Variants in DMD observed in about 807,000 individuals in gnomAD.
DMD encodes dystrophin.
DMD carries 63 observed loss-of-function variants against 330.1 expected under a neutral mutation model. The observed-to-expected ratio is 0.19, with a 90% CI of 0.16 to 0.24. The LOEUF (loss-of-function observed/expected upper bound fraction) is 0.24. Among genes scored for constraint, DMD ranks in the 10% least tolerant of loss-of-function variants. The pLI, the probability that DMD is intolerant of heterozygous loss-of-function variation, is 1.00. For synonymous variants in DMD, 1,223 were observed against 959.8 expected, an observed-to-expected ratio of 1.27 and a Z score of -5.07; for missense variants, 3,344 against 2,684.1, an observed-to-expected ratio of 1.25 and a Z score of -5.43.
intron 44 of DMD, among the ~76,000 whole-genome samples, chrX:31,988,085 C>G (rs2095521869): frequency 9.0e-6 from 1 of 111,494 alleles, no homozygotes; most frequent in African/African-American, 3.3e-5. Context: ...AGTTTTGACT[C>G]CTGAAATGTT....
intron 62 of DMD, among the ~76,000 whole-genome samples, chrX:31,322,933 C>G (rs963745478): frequency 9.0e-6 from 1 of 111,456 alleles, no homozygotes; most frequent in East Asian, 2.8e-4. Flanking sequence ...GTGAAGGTAT[C>G]GTAATCACTC....
At chrX:33,241,101 T>C (rs2052579627) in intron 1 of DMD, among the ~76,000 whole-genome samples, 1 of 111,727 alleles carries the variant, frequency 9.0e-6, no homozygotes, top group African/African-American at 3.3e-5. Context: ...TTGTTTCCTG[T>C]GCTTTTGAGG....
intron 54 of DMD, among the ~76,000 whole-genome samples, chrX:31,644,526 A>G (rs1472175993): frequency 8.9e-6 from 1 of 111,902 alleles, no homozygotes; most frequent in Non-Finnish European, 1.9e-5. Flanking sequence ...ACTCAGACCT[A>G]TAGAATGTCA....
chrX:31,682,278 T>C (rs746591777), intron 52 of DMD, among the ~76,000 whole-genome samples: 5 of 111,464 alleles, frequency 4.5e-5, no homozygotes, highest in Admixed American at 1.9e-4. Flanking sequence ...TTGCTATGTA[T>C]TGCAAAACTA....
intron 9 of DMD, among the ~76,000 whole-genome samples, chrX:32,655,547 T>A (rs1481627106): frequency 8.9e-6 from 1 of 111,959 alleles, no homozygotes; most frequent in African/African-American, 3.3e-5. Flanking sequence ...TGAGGGGTGC[T>A]TTAACTTCCA....
At chrX:32,195,417 G>A (rs181807973) in intron 44 of DMD, among the ~76,000 whole-genome samples, 17 of 111,502 alleles carry the variant, frequency 1.5e-4, no homozygotes, top group Admixed American at 6.7e-4. Flanking sequence ...GGAGGAGAGC[G>A]AAACCAGAAA....
chrX:31,818,249 AAT>A (rs2092680094), intron 50 of DMD, among the ~76,000 whole-genome samples: 1 of 112,056 alleles, frequency 8.9e-6, no homozygotes, highest in South Asian at 3.7e-4. Context: ...TTTCAATTAC[AAT>A]ATATGTTTTA....
chrX:31,456,658 G>T (rs1163506901), intron 59 of DMD, among the ~76,000 whole-genome samples: 1 of 111,275 alleles, frequency 9.0e-6, no homozygotes, highest in Non-Finnish European at 1.9e-5. Flanking sequence ...TGTAAAAGAT[G>T]AATCATGGGT....
chrX:32,128,028 T>C (rs933644035), intron 44 of DMD, among the ~76,000 whole-genome samples: 1 of 112,308 alleles, frequency 8.9e-6, no homozygotes, highest in Non-Finnish European at 1.9e-5. Context: ...ATCACTACTG[T>C]CCAATGCAAG....
intron 9 of DMD, among the ~76,000 whole-genome samples, chrX:32,656,814 T>C (rs12393428): frequency 0.083 from 9,242 of 111,762 alleles, 929 homozygotes; most frequent in African/African-American, 0.28. Flanking sequence ...TTTAATTTCT[T>C]ATTTAAGGTC....
At chrX:31,243,690 T>C (rs2048568922) in intron 63 of DMD, among the ~76,000 whole-genome samples, 1 of 112,629 alleles carries the variant, frequency 8.9e-6, no homozygotes, top group African/African-American at 3.2e-5. Context: ...GGGAAGGACA[T>C]GGTTAGATTG....
chrX:31,382,522 AT>A (rs2060233508), intron 60 of DMD, among the ~76,000 whole-genome samples: 1 of 111,863 alleles, frequency 8.9e-6, no homozygotes, highest in Non-Finnish European at 1.9e-5. Flanking sequence ...CTTAAAGTAA[AT>A]AATCTTTGCT....
chrX:33,085,151 T>C (rs913951121), intron 1 of DMD, among the ~76,000 whole-genome samples: 4 of 111,654 alleles, frequency 3.6e-5, no homozygotes, highest in Non-Finnish European at 7.5e-5. Flanking sequence ...TTACTGATGA[T>C]TTAAGTGAGT....
intron 42 of DMD, among the ~76,000 whole-genome samples, chrX:32,294,114 C>G (rs1260548125): frequency 9.0e-6 from 1 of 111,653 alleles, no homozygotes; most frequent in African/African-American, 3.3e-5. Flanking sequence ...TTCACAAGTA[C>G]TTGATTCAAC....
intron 6 of DMD, among the ~76,000 whole-genome samples, chrX:32,810,874 C>G (rs1290803350): frequency 9.0e-6 from 1 of 111,708 alleles, no homozygotes; most frequent in Non-Finnish European, 1.9e-5. Flanking sequence ...GATTTTATTT[C>G]TTGTCTCTTT....
intron 41 of DMD, among the ~76,000 whole-genome samples, chrX:32,341,421 T>C: frequency 8.9e-6 from 1 of 112,141 alleles, no homozygotes; most frequent in South Asian, 3.7e-4. Context: ...AATCGCCTTT[T>C]TAAAGAGAGA....
chrX:32,303,976 T>C (rs1323535726), intron 42 of DMD, among the ~76,000 whole-genome samples: 2 of 111,410 alleles, frequency 1.8e-5, no homozygotes, highest in Non-Finnish European at 3.8e-5. Context: ...TTATTTTTGG[T>C]GGCTCTATGG....
intron 2 of DMD, among the ~76,000 whole-genome samples, chrX:32,975,899 G>T (rs1352257392): frequency 9.0e-6 from 1 of 111,435 alleles, no homozygotes. Context: ...AAATCCTCTG[G>T]TTCTAGTTTC....
chrX:31,297,917 G>A (rs200693432), intron 62 of DMD, among the ~76,000 whole-genome samples: 2 of 112,298 alleles, frequency 1.8e-5, no homozygotes, highest in East Asian at 5.6e-4. Context: ...GAATCACTGG[G>A]TTACAGCCCA....
Sources: gnomAD v4.1 joint callset for allele counts (sites outside exome capture counted in the v4.1 genomes callset) on GRCh38, gnomAD v4.1.1 for gene constraint, MANE v1.5 for transcripts, NCBI Gene and HGNC (gene_info 2026-07-23, HGNC 2026-07-21) for gene names.